MANBAL: variants seen among roughly 807,000 people sequenced by gnomAD.
The protein encoded by MANBAL is protein MANBAL.
A neutral mutation model predicts 6.4 loss-of-function variants in MANBAL; 1 was observed. The observed-to-expected ratio is 0.16, with a 90% CI of 0.06 to 0.74. The LOEUF is 0.74. Ranked by LOEUF, MANBAL falls within the 30% of genes least tolerant of loss-of-function variation. The probability of loss-of-function intolerance (pLI) is 0.78; values close to 1 mark genes in which losing one functional copy is unlikely to be tolerated. For synonymous variants in MANBAL, 47 were observed against 45.8 expected, an observed-to-expected ratio of 1.03 and a Z score of -0.10; for missense variants, 100 against 107.8, an observed-to-expected ratio of 0.93 and a Z score of 0.32.
In MANBAL at chr20:37,316,529, C is replaced by T. The variant is rs879069470; in HGVS notation, c.*114C>T. ...GGCTCAGGGTCTGAGGAGGCTGTGACGCCCTATGACCGCAGAGATCTAGAC... is the reference window on the plus strand; with the variant it reads ...GGCTCAGGGTCTGAGGAGGCTGTGATGCCCTATGACCGCAGAGATCTAGAC... On this transcript the variant is annotated 3_prime_UTR_variant, in exon 3 of 3. Coordinates refer to ENST00000373606, the MANE Select transcript of MANBAL (RefSeq NM_001003897.2). 2.2e-5 allele frequency: 18 copies of T among 821,528 alleles called. No individual in the cohort carries two copies. The highest frequency in any genetic ancestry group is 8.4e-5 in the East Asian group (3 of 35,626). 50.9% of individuals were successfully genotyped at this position (821,528 alleles called of 1,614,324 possible). A position where few individuals can be genotyped will look rare whatever the true frequency, so the allele number is the denominator to read the frequency against.
chr20:37,316,209 G>GT (rs1243109296), intron 2 of MANBAL, 99 bp from the exon 3 acceptor site: 1 of 1,119,814 alleles, frequency 8.9e-7, no homozygotes, highest in East Asian at 2.7e-5. Context: ...CATCTCTTGT[G>GT]TTTCTGTGGC....
chr20:37,296,620 A>G (rs2069002707), intron 1 of MANBAL, among the ~76,000 whole-genome samples: 1 of 152,168 alleles, frequency 6.6e-6, no homozygotes, highest in Non-Finnish European at 1.5e-5. Flanking sequence ...GTTTTTCAGT[A>G]TTATGAATAG....
At chr20:37,308,903 G>A (rs2069319062) in intron 2 of MANBAL, among the ~76,000 whole-genome samples, 1 of 152,182 alleles carries the variant, frequency 6.6e-6, no homozygotes, top group African/African-American at 2.4e-5. Context: ...ATTCTCATCT[G>A]TTCATATGCT....
intron 2 of MANBAL, among the ~76,000 whole-genome samples, chr20:37,306,076 G>A (rs899619150): frequency 1.3e-5 from 2 of 152,088 alleles, no homozygotes; most frequent in Non-Finnish European, 2.9e-5. Flanking sequence ...CAGCCAGAGG[G>A]CAGTTGGGAG....
intron 1 of MANBAL, among the ~76,000 whole-genome samples, chr20:37,290,562 G>A (rs900700477): frequency 2.0e-5 from 3 of 151,988 alleles, no homozygotes; most frequent in African/African-American, 7.2e-5. Context: ...GGGTTCAAGC[G>A]ATTCTCCTGC....
intron 2 of MANBAL, 88 bp downstream of exon 2, chr20:37,301,501 G>C: frequency 7.0e-7 from 1 of 1,431,642 alleles, no homozygotes; most frequent in Non-Finnish European, 9.4e-7. Flanking sequence ...ACTGAGATCA[G>C]CAGGGTCTAC....
chr20:37,315,050 C>T (rs994419085), intron 2 of MANBAL, among the ~76,000 whole-genome samples: 1 of 152,202 alleles, frequency 6.6e-6, no homozygotes, highest in Non-Finnish European at 1.5e-5. Flanking sequence ...AGAACATGGG[C>T]ACTGAGAAAC....
In MANBAL at chr20:37,295,770, G is replaced by A. The variant is rs528459575; in HGVS notation, c.-56-5438G>A. On this transcript the variant is annotated intron_variant, in intron 1 of 2. Coordinates refer to ENST00000373606, the MANE Select transcript of MANBAL (RefSeq NM_001003897.2). ...AGTTGCTGCCTGTAAAGTGCTGTTC[G>A]CAACACCTGGCCGTTCATTTGCCGA... Among the ~76,000 whole-genome samples, 3 of 152,300 alleles carry A rather than the reference G, an allele frequency of 2.0e-5. No individual in the cohort carries two copies. In the East Asian group the frequency reaches 5.8e-4, roughly 29 times the overall value.
At chr20:37,305,550 T>C (rs1378348165) in intron 2 of MANBAL, among the ~76,000 whole-genome samples, 1 of 152,234 alleles carries the variant, frequency 6.6e-6, no homozygotes, top group Non-Finnish European at 1.5e-5. Flanking sequence ...AGGTTACTTT[T>C]GGACAACAAC....
rs540947623 is a variant in MANBAL at position 37,304,895 on chromosome 20, G to A, written c.150+3482G>A. 1.6e-4 allele frequency among the ~76,000 whole-genome samples: 24 copies of A among 152,310 alleles called. No individual in the cohort carries two copies. In the South Asian group the frequency reaches 4.6e-3, roughly 29 times the overall value. On this transcript the variant is annotated intron_variant, in intron 2 of 2. Coordinates refer to ENST00000373606, the MANE Select transcript of MANBAL (RefSeq NM_001003897.2). Reference sequence around the variant, plus strand: ...TTGACCAGCATGTGGGAGTTGATACGATGTCATTTGAAGCCACGGCAGGGG... The same window carrying A: ...TTGACCAGCATGTGGGAGTTGATACAATGTCATTTGAAGCCACGGCAGGGG...
chr20:37,300,476 G>A (rs1272460242), intron 1 of MANBAL, among the ~76,000 whole-genome samples: 1 of 152,160 alleles, frequency 6.6e-6, no homozygotes, highest in Non-Finnish European at 1.5e-5. Context: ...ATCTCGACGT[G>A]TTCATTGTCT....
chr20:37,291,945 AGTG>A (rs2068881107), intron 1 of MANBAL, among the ~76,000 whole-genome samples: 1 of 152,194 alleles, frequency 6.6e-6, no homozygotes, highest in African/African-American at 2.4e-5. Flanking sequence ...ATTTCTTCAA[AGTG>A]GTATGAAAAT....
chr20:37,300,477 T>TGC (rs1465328069), intron 1 of MANBAL, among the ~76,000 whole-genome samples: 1 of 152,196 alleles, frequency 6.6e-6, no homozygotes, highest in African/African-American at 2.4e-5. Flanking sequence ...TCTCGACGTG[T>TGC]TCATTGTCTG....
chr20:37,296,868 G>A (rs972439893), intron 1 of MANBAL: 1 of 152,178 alleles, frequency 6.6e-6, no homozygotes, highest in African/African-American at 2.4e-5. Flanking sequence ...AGCCCAAAGT[G>A]TAGCTACTTG....
chr20:37,309,226 C>T (rs768042142), intron 2 of MANBAL, among the ~76,000 whole-genome samples: 38 of 152,132 alleles, frequency 2.5e-4, no homozygotes, highest in Non-Finnish European at 4.7e-4. Context: ...GGAAAGATGG[C>T]TGCAGCAGCC....
At position 37,316,825 on chromosome 20, in the gene MANBAL, C is replaced by CCG; in HGVS notation, c.*410_*411insCG. 5.7e-6 allele frequency: 1 copy of CCG among 176,212 alleles called. No homozygotes were observed. Among genetic ancestry groups the CCG allele is most frequent in the Non-Finnish European group, 1.2e-5 (1 of 84,256 alleles). The allele number at this position is 176,212 out of a possible 1,614,324, so 10.9% of individuals were successfully genotyped here. On this transcript the variant is annotated 3_prime_UTR_variant, in exon 3 of 3. Coordinates refer to ENST00000373606, the MANE Select transcript of MANBAL (RefSeq NM_001003897.2). The stretch of plus-strand genomic sequence containing the variant: ...ACCCTCTCCCATTATTTGTGCACTA[C>CCG]AGATCTCCTCCTGATCAGTCACCTT...
At chr20:37,312,067 G>A (rs1053880081) in intron 2 of MANBAL, among the ~76,000 whole-genome samples, 4 of 152,196 alleles carry the variant, frequency 2.6e-5, no homozygotes, top group South Asian at 4.1e-4. Context: ...AACTGGGTGC[G>A]TGACGGCTCT....
intron 2 of MANBAL, among the ~76,000 whole-genome samples, chr20:37,312,014 A>T (rs548940625): frequency 6.6e-6 from 1 of 152,314 alleles, no homozygotes; most frequent in African/African-American, 2.4e-5. Context: ...GACAGGTTGG[A>T]TGCTGAGAAC....
At chr20:37,290,983 A>G (rs1326725429) in intron 1 of MANBAL, among the ~76,000 whole-genome samples, 2 of 152,210 alleles carry the variant, frequency 1.3e-5, no homozygotes, top group Non-Finnish European at 2.9e-5. Context: ...TAGAATTTAA[A>G]GTTACTTCAT....
Sources: gnomAD v4.1 joint callset for allele counts (sites outside exome capture counted in the v4.1 genomes callset) on GRCh38, gnomAD v4.1.1 for gene constraint, MANE v1.5 for transcripts, NCBI Gene and HGNC (gene_info 2026-07-23, HGNC 2026-07-21) for gene names.